RABGEF1: variants seen among roughly 807,000 people sequenced by gnomAD.
RABGEF1 encodes the protein rab5 GDP/GTP exchange factor.
Under a neutral mutation model 57.3 loss-of-function variants are expected in RABGEF1, and 26 were observed. The observed-to-expected ratio is 0.45, with a 90% confidence interval of 0.33 to 0.63. The LOEUF is 0.63. RABGEF1 is among the 20% of genes least tolerant of loss of function. The pLI is 0.02. For missense variants in RABGEF1, 464 were observed against 607.6 expected (o/e 0.76, Z 2.48); for synonymous variants, 185 against 210.7 (o/e 0.88, Z 1.06).
intron 2 of RABGEF1, among the ~76,000 whole-genome samples, chr7:66,712,567 C>G (rs951983653): frequency 6.7e-6 from 1 of 150,066 alleles, no homozygotes; most frequent in African/African-American, 2.5e-5. Flanking sequence ...ACCTCCCGGG[C>G]TGAAGGGATC....
chr7:66,800,977 T>C (rs1562880301), intron 7 of RABGEF1, among the ~76,000 whole-genome samples: 2 of 152,222 alleles, frequency 1.3e-5, no homozygotes, highest in African/African-American at 4.8e-5. Flanking sequence ...TGGGTCACGT[T>C]CTTCTAGGGC....
Position 66,705,451 on chromosome 7 carries a change from G to C in RABGEF1, c.-872-6716G>C, listed in dbSNP as rs903364918. ...AACTCCATCTCGAAAGAAAGAGAGA[G>C]AGAGAGAGAGAGAGAGAGAGAGAGA... On this transcript the variant is annotated intron_variant and NMD_transcript_variant, in intron 1 of 9. Transcript: ENST00000607882. Among the ~76,000 whole-genome samples, 226 of 122,316 alleles carry C rather than the reference G, an allele frequency of 1.8e-3. 2 individuals carry two copies. Among genetic ancestry groups the C allele is most frequent in the African/African-American group, 5.5e-3 (178 of 32,298 alleles). 80.2% of individuals were successfully genotyped at this position (122,316 alleles called of 152,430 possible). A position where few individuals can be genotyped will look rare whatever the true frequency, so the allele number is the denominator to read the frequency against.
chr7:66,760,191 G>A (rs1803924253), intron 1 of RABGEF1, among the ~76,000 whole-genome samples: 1 of 152,012 alleles, frequency 6.6e-6, no homozygotes, highest in South Asian at 2.1e-4. Context: ...CCTCTTCCTT[G>A]CCTTCGACAC....
At chr7:66,724,445 C>T (rs909571540) in intron 2 of RABGEF1, among the ~76,000 whole-genome samples, 7 of 152,054 alleles carry the variant, frequency 4.6e-5, no homozygotes, top group African/African-American at 1.2e-4. Flanking sequence ...CTGCACCCAC[C>T]GCTTCCCAGG....
At chr7:66,769,962 C>G (rs990463098) in intron 1 of RABGEF1, among the ~76,000 whole-genome samples, 3 of 152,184 alleles carry the variant, frequency 2.0e-5, no homozygotes, top group Non-Finnish European at 1.5e-5. Flanking sequence ...CTTCCAAGAC[C>G]CTTTCAACAC....
At chr7:66,657,769 C>T in the RABGEF1 span, among the ~76,000 whole-genome samples, 45 of 151,926 alleles carry the variant, frequency 3.0e-4, no homozygotes, top group South Asian at 4.2e-4. Context: ...TGCAGTGAGC[C>T]GAGATAGCAC....
intron 1 of RABGEF1, among the ~76,000 whole-genome samples, chr7:66,741,962 C>T (rs892646598): frequency 1.3e-5 from 2 of 150,814 alleles, no homozygotes; most frequent in Non-Finnish European, 3.0e-5. Context: ...CGGTGAAACC[C>T]CGTCTCTACT....
intron 1 of RABGEF1, among the ~76,000 whole-genome samples, chr7:66,706,441 C>T (rs569399780): frequency 7.9e-5 from 12 of 152,116 alleles, no homozygotes; most frequent in Admixed American, 6.6e-4. Flanking sequence ...GACGGAGTCT[C>T]GCTCCGTCCC....
At chr7:66,703,305 C>T (rs1793565309) in intron 1 of RABGEF1, among the ~76,000 whole-genome samples, 1 of 152,114 alleles carries the variant, frequency 6.6e-6, no homozygotes, top group South Asian at 2.1e-4. Context: ...TGAAGTTCAA[C>T]CTATCTATTT....
intron 1 of RABGEF1, among the ~76,000 whole-genome samples, chr7:66,696,484 G>GT (rs1584726175): frequency 1.3e-5 from 2 of 152,084 alleles, no homozygotes; most frequent in East Asian, 1.9e-4. Flanking sequence ...GAGGTCAGGA[G>GT]TTTGAGACCA....
At chr7:66,694,072 G>C (rs1450004319) in intron 1 of RABGEF1, among the ~76,000 whole-genome samples, 1 of 152,198 alleles carries the variant, frequency 6.6e-6, no homozygotes, top group African/African-American at 2.4e-5. Flanking sequence ...GCCTCCCACA[G>C]TGCTGGGATT....
At chr7:66,738,430 A>G (rs562924229), upstream of RABGEF1, among the ~76,000 whole-genome samples, 14 of 152,112 alleles carry the variant, frequency 9.2e-5, no homozygotes, top group African/African-American at 3.1e-4. Flanking sequence ...TGCTCAGCCC[A>G]TTGAACACTC....
chr7:66,695,040 G>A (rs571159019), intron 1 of RABGEF1, among the ~76,000 whole-genome samples: 137 of 152,280 alleles, frequency 9.0e-4, no homozygotes, highest in African/African-American at 2.8e-3. Flanking sequence ...CCCTGGGTGC[G>A]GCAGCTCATG....
At chr7:66,675,409 G>A in the RABGEF1 span, among the ~76,000 whole-genome samples, 1 of 151,324 alleles carries the variant, frequency 6.6e-6, no homozygotes. Context: ...CAGCCTGGGG[G>A]ACAGGAGTGA....
chr7:66,741,026 C>T (rs544319313), intron 1 of RABGEF1, among the ~76,000 whole-genome samples: 1 of 152,262 alleles, frequency 6.6e-6, no homozygotes, highest in Non-Finnish European at 1.5e-5. Flanking sequence ...AGTGCGGCCT[C>T]TCCGTCCCAG....
chr7:66,765,628 A>G (rs1805506369), intron 1 of RABGEF1, among the ~76,000 whole-genome samples: 1 of 152,182 alleles, frequency 6.6e-6, no homozygotes, highest in Admixed American at 6.5e-5. Context: ...TTCTTGGGGT[A>G]TGTCTATTTC....
At chr7:66,709,425 A>C (rs1281409140) in intron 1 of RABGEF1, among the ~76,000 whole-genome samples, 2 of 152,200 alleles carry the variant, frequency 1.3e-5, no homozygotes, top group African/African-American at 4.8e-5. Flanking sequence ...GCATCACTAT[A>C]ACTAGTGCTA....
chr7:66,768,554 T>C (rs1439234692), intron 1 of RABGEF1, among the ~76,000 whole-genome samples: 1 of 152,204 alleles, frequency 6.6e-6, no homozygotes, highest in Non-Finnish European at 1.5e-5. Context: ...GTTGCCAGAT[T>C]TGGGATGCAG....
chr7:66,692,104 TA>T (rs1275574312), intron 1 of RABGEF1, among the ~76,000 whole-genome samples: 1 of 152,114 alleles, frequency 6.6e-6, no homozygotes, highest in Non-Finnish European at 1.5e-5. Context: ...TAAAAGTGTA[TA>T]AATTTGTTTC....
Sources: gnomAD v4.1 joint callset for allele counts (sites outside exome capture counted in the v4.1 genomes callset) on GRCh38, gnomAD v4.1.1 for gene constraint, MANE v1.5 for transcripts, NCBI Gene and HGNC (gene_info 2026-07-23, HGNC 2026-07-21) for gene names.